The following RASSF8 variants were observed in gnomAD, a reference collection of about 807,000 sequenced individuals.
RASSF8 encodes Ras association domain family member 8, also known as ras association domain-containing protein 8.
RASSF8 carries 22 observed loss-of-function variants against 48.5 expected under a neutral mutation model. That is an observed-to-expected ratio of 0.45 (90% CI 0.32 to 0.65). RASSF8 has a LOEUF of 0.65. RASSF8 is among the 30% of genes least tolerant of loss of function. RASSF8 has a pLI of 0.03. For missense variants in RASSF8, 418 were observed against 489.2 expected (o/e 0.85, Z 1.37); for synonymous variants, 127 against 171.5 (o/e 0.74, Z 2.03).
intron 2 of RASSF8, among the ~76,000 whole-genome samples, chr12:26,019,013 A>G (rs1478025259): frequency 6.6e-6 from 1 of 152,140 alleles, no homozygotes. Context: ...CTTTTAATCA[A>G]ACAGACATTT....
At chr12:25,984,597 T>C (rs1298234236) in intron 1 of RASSF8, among the ~76,000 whole-genome samples, 1 of 152,206 alleles carries the variant, frequency 6.6e-6, no homozygotes, top group Non-Finnish European at 1.5e-5. Context: ...AACCTTGGCC[T>C]CCCAAAGTGT....
At chr12:26,036,776 T>C (rs914693575) in intron 2 of RASSF8, among the ~76,000 whole-genome samples, 27 of 151,922 alleles carry the variant, frequency 1.8e-4, no homozygotes, top group Non-Finnish European at 3.2e-4. Context: ...AATAAAAAAT[T>C]AGCCAGGCTT....
chr12:26,000,879 G>C (rs899222584), intron 2 of RASSF8, among the ~76,000 whole-genome samples: 1 of 152,074 alleles, frequency 6.6e-6, no homozygotes, highest in Admixed American at 6.6e-5. Context: ...TCTGGGTGAG[G>C]CAGTGATTGT....
At chr12:26,059,236 A>G (rs1943686064) in intron 3 of RASSF8, among the ~76,000 whole-genome samples, 1 of 152,230 alleles carries the variant, frequency 6.6e-6, no homozygotes, top group African/African-American at 2.4e-5. Context: ...ACAAAAGATG[A>G]GAGAGGAAAG....
At chr12:26,014,038 C>T (rs914544494) in intron 2 of RASSF8, among the ~76,000 whole-genome samples, 2 of 152,100 alleles carry the variant, frequency 1.3e-5, no homozygotes, top group South Asian at 2.1e-4. Context: ...GAGTGTGGAC[C>T]TTTGTTGCTT....
At chr12:26,049,552 C>T (rs7137379) in intron 2 of RASSF8, among the ~76,000 whole-genome samples, 51,334 of 151,998 alleles carry the variant, frequency 0.34, 10,251 homozygotes, top group Non-Finnish European at 0.46. Context: ...TTTTATGCAC[C>T]GTTGATTAAC....
In RASSF8 at chr12:26,034,665, G is replaced by C. The variant is rs181061510; in HGVS notation, c.-108-20571G>C. 1.6e-3 allele frequency among the ~76,000 whole-genome samples: 243 copies of C among 152,120 alleles called. 1 individual carries two copies. The highest frequency in any genetic ancestry group is 5.5e-3 in the African/African-American group (229 of 41,470). On this transcript the variant is annotated intron_variant, in intron 2 of 5. Coordinates refer to ENST00000689635, the MANE Select transcript of RASSF8 (RefSeq NM_001394098.1). ...AGTAACTCCTATTCCTTTTCCTCCA[G>C]CATTTATTTCCCATATTTCGAAATT...
Position 26,065,013 on chromosome 12 carries a change from G to A in RASSF8, c.619G>A (p.Val207Ile), listed in dbSNP as rs1487871444. 1 of 1,612,910 alleles carries A rather than the reference G, an allele frequency of 6.2e-7. No homozygotes were observed. The highest frequency in any genetic ancestry group is 1.3e-5 in the African/African-American group (1 of 74,786). Residue 207 changes from valine to isoleucine, a missense_variant, in exon 4 of 6, where the codon GTC (valine) becomes ATC (isoleucine). Physicochemically the swap from Val to Ile is conservative, Grantham distance 29 (BLOSUM62 3). Transcript: ENST00000689635. ...TAATTCCAACCTTGAAGAGGAAATT[G>A]TCCGTCTAGAGCAAAAGATCAAAAG... ...KYNSNLEEEI[V>I]RLEQKIKRND...
intron 3 of RASSF8, 29 bp from the exon 4 acceptor site, chr12:26,064,469 G>T: frequency 6.7e-7 from 1 of 1,491,392 alleles, no homozygotes; most frequent in South Asian, 1.5e-5. Flanking sequence ...ATCCCATTTT[G>T]ACAAGTTATT....
At chr12:26,039,401 C>G (rs1388623646) in intron 2 of RASSF8, among the ~76,000 whole-genome samples, 2 of 149,066 alleles carry the variant, frequency 1.3e-5, no homozygotes, top group East Asian at 2.0e-4. Context: ...GGGCTTGGGA[C>G]TTGAGTTCTT....
intron 1 of RASSF8, among the ~76,000 whole-genome samples, chr12:25,979,045 A>T (rs1242002628): frequency 6.6e-6 from 1 of 152,192 alleles, no homozygotes. Context: ...TTCTAGATGG[A>T]TATTACCTAG....
rs980508955 is a variant in RASSF8, at chr12:26,014,943, C to G, written c.-109+19813C>G. 3.9e-5 allele frequency among the ~76,000 whole-genome samples: 6 copies of G among 152,002 alleles called. No homozygotes were observed. The East Asian group carries it at 9.7e-4, about 25-fold the overall frequency. On this transcript the variant is annotated intron_variant, in intron 2 of 5. Transcript: ENST00000689635. ...CATACAGGCTGGGCATGGTGGCTCACGCCTGTAATCCCAGCACTTTGGGAG... is the reference window on the plus strand; with the variant it reads ...CATACAGGCTGGGCATGGTGGCTCAGGCCTGTAATCCCAGCACTTTGGGAG...
chr12:26,044,645 A>G (rs1483542390), intron 2 of RASSF8, among the ~76,000 whole-genome samples: 5 of 152,222 alleles, frequency 3.3e-5, no homozygotes, highest in Non-Finnish European at 5.9e-5. Context: ...TTCTATATGT[A>G]GAATACTGTA....
At chr12:25,963,247 T>A (rs829987) in intron 1 of RASSF8, among the ~76,000 whole-genome samples, 13,126 of 143,014 alleles carry the variant, frequency 0.092, 904 homozygotes, top group East Asian at 0.28. Context: ...GAGTTTTTTT[T>A]AAAAAAAGTG....
intron 2 of RASSF8, among the ~76,000 whole-genome samples, chr12:26,018,313 T>A (rs1192362417): frequency 1.3e-5 from 2 of 152,182 alleles, no homozygotes; most frequent in African/African-American, 4.8e-5. Flanking sequence ...ATTCTTAAAC[T>A]ATTTTTGAAA....
chr12:26,073,748 T>TACACACACACACACACAC (rs5797160), downstream of RASSF8, among the ~76,000 whole-genome samples: 23 of 134,758 alleles, frequency 1.7e-4, no homozygotes, highest in African/African-American at 5.8e-4. Context: ...TCTCTCTCTA[T>TACACACACACACACACAC]ACACACACAC....
intron 3 of RASSF8, among the ~76,000 whole-genome samples, chr12:26,062,527 G>A (rs1943766869): frequency 6.6e-6 from 1 of 152,192 alleles, no homozygotes; most frequent in South Asian, 2.1e-4. Context: ...TGAGGAGACT[G>A]AGGCTAAAGG....
At chr12:25,960,845 G>A (rs774840135) in intron 1 of RASSF8, among the ~76,000 whole-genome samples, 8 of 152,148 alleles carry the variant, frequency 5.3e-5, no homozygotes, top group African/African-American at 1.9e-4. Flanking sequence ...GGCAGGAAAG[G>A]CACTTCACTT....
intron 1 of RASSF8, among the ~76,000 whole-genome samples, chr12:25,989,335 G>A (rs910019147): frequency 2.6e-5 from 4 of 152,234 alleles, no homozygotes; most frequent in Non-Finnish European, 4.4e-5. Flanking sequence ...TACTACTAGT[G>A]TGTTTTATAT....
Sources: gnomAD v4.1 joint callset for allele counts (sites outside exome capture counted in the v4.1 genomes callset) on GRCh38, gnomAD v4.1.1 for gene constraint, MANE v1.5 for transcripts, NCBI Gene and HGNC (gene_info 2026-07-23, HGNC 2026-07-21) for gene names.